JPH2: variants seen among roughly 807,000 people sequenced by gnomAD.
The protein encoded by JPH2 is junctophilin 2.
A neutral mutation model predicts 55.9 loss-of-function variants in JPH2; 38 were observed. The ratio of observed to expected loss-of-function variants is 0.68; its 90% confidence interval spans 0.52 to 0.89. The LOEUF is 0.89. Among genes scored for constraint, JPH2 ranks in the 40% least tolerant of loss-of-function variants. The pLI is 0.00. For synonymous variants in JPH2, 480 were observed against 472.4 expected (o/e 1.02, Z -0.21); for missense variants, 964 against 1,037.6 (o/e 0.93, Z 0.97).
At chr20:44,129,525 G>A (rs2015787) in intron 2 of JPH2, among the ~76,000 whole-genome samples, 84,332 of 146,790 alleles carry the variant, frequency 0.57, 24,576 homozygotes, top group South Asian at 0.69. Flanking sequence ...ACTGCACTCT[G>A]GCCTGGGCAA....
chr20:44,121,212 G>A (rs1386216415), intron 2 of JPH2, among the ~76,000 whole-genome samples: 1 of 152,124 alleles, frequency 6.6e-6, no homozygotes, highest in Non-Finnish European at 1.5e-5. Flanking sequence ...AGAGGTGGGC[G>A]GGTCAATGAG....
At position 44,186,946 on chromosome 20, in the gene JPH2, C is replaced by T. The variant is rs2072853006; in HGVS notation, c.-241G>A. On this transcript the variant is annotated 5_prime_UTR_variant, in exon 1 of 6. Transcript: ENST00000372980. Reference sequence around the variant, plus strand: ...ACTCCACCAGCCAGAGCAAGGCTGCCTGCTGGAAAGAAAGCAGGAAGGAAA... The same window carrying T: ...ACTCCACCAGCCAGAGCAAGGCTGCTTGCTGGAAAGAAAGCAGGAAGGAAA... 2 of 587,788 alleles carry T rather than the reference C, an allele frequency of 3.4e-6. No individual in the cohort carries two copies. The highest frequency in any genetic ancestry group is 3.0e-6 in the Non-Finnish European group (1 of 330,224). The allele number at this position is 587,788 out of a possible 1,614,324, so 36.4% of individuals were successfully genotyped here. A position where few individuals can be genotyped will look rare whatever the true frequency, so the allele number is the denominator to read the frequency against.
At chr20:44,118,762 T>C (rs898691666) in intron 2 of JPH2, 139 bp from the exon 3 acceptor site, 9 of 724,860 alleles carry the variant, frequency 1.2e-5, no homozygotes, top group African/African-American at 1.7e-5. Flanking sequence ...TTGAGCCTCA[T>C]GGCCCAGACT....
intron 2 of JPH2, among the ~76,000 whole-genome samples, chr20:44,124,225 T>G (rs1354003217): frequency 6.6e-6 from 1 of 151,978 alleles, no homozygotes; most frequent in East Asian, 1.9e-4. Context: ...CCATCTCTCC[T>G]CCCAGGCCCA....
chr20:44,116,579 G>A (rs1427946984), intron 3 of JPH2, among the ~76,000 whole-genome samples, 193 bp from the exon 4 acceptor site: 3 of 152,222 alleles, frequency 2.0e-5, no homozygotes, highest in Non-Finnish European at 4.4e-5. Context: ...TCCCTATGAA[G>A]TTGATGCTAC....
At chr20:44,162,330 C>T (rs546213662) in intron 1 of JPH2, among the ~76,000 whole-genome samples, 1 of 152,150 alleles carries the variant, frequency 6.6e-6, no homozygotes, top group Non-Finnish European at 1.5e-5. Flanking sequence ...TCCTTCAAGT[C>T]TTTGCTCAAT....
rs530612304 is a variant in JPH2, at chr20:44,110,820, C to T, written c.*2698G>A. Among the ~76,000 whole-genome samples the T allele has an allele frequency of 1.3e-5, 2 of 152,276 alleles. No individual in the cohort carries two copies. The highest frequency in any genetic ancestry group is 2.1e-4 in the South Asian group (1 of 4,816). ...AAGACCATGGGGCAGGGATTAGAGT[C>T]TCCTCAGCAGAAGAGGAAACTGAGG... is the stretch of plus-strand genomic sequence containing the variant. On this transcript the variant is annotated 3_prime_UTR_variant, in exon 6 of 6. Coordinates refer to ENST00000372980, the MANE Select transcript of JPH2 (RefSeq NM_020433.5).
chr20:44,183,432 C>T (rs971980872), intron 1 of JPH2, among the ~76,000 whole-genome samples: 17 of 152,234 alleles, frequency 1.1e-4, no homozygotes, highest in Admixed American at 6.5e-4. Context: ...CAAACTCCAG[C>T]GACCTCGTTA....
chr20:44,127,855 G>T (rs1207681555), intron 2 of JPH2, among the ~76,000 whole-genome samples: 9 of 152,102 alleles, frequency 5.9e-5, no homozygotes, highest in African/African-American at 2.2e-4. Context: ...GTTTTGATTT[G>T]CATTTCCCTG....
chr20:44,138,172 C>G (rs1470925655), intron 2 of JPH2, among the ~76,000 whole-genome samples: 1 of 151,530 alleles, frequency 6.6e-6, no homozygotes, highest in Non-Finnish European at 1.5e-5. Context: ...CACGCCCGGC[C>G]AATTTTTGTA....
At chr20:44,120,365 GTC>G (rs1248872911) in intron 2 of JPH2, among the ~76,000 whole-genome samples, 1 of 152,176 alleles carries the variant, frequency 6.6e-6, no homozygotes, top group Admixed American at 6.5e-5. Context: ...TTTGGGAGAT[GTC>G]TGTTTCAGCT....
At chr20:44,133,963 ATAT>A (rs1230755321) in intron 2 of JPH2, among the ~76,000 whole-genome samples, 1 of 44,522 alleles carries the variant, frequency 2.2e-5, no homozygotes, top group Non-Finnish European at 3.7e-5. Context: ...AAATAAATAT[ATAT>A]TATAATATAT....
chr20:44,175,592 C>T (rs1024108076), intron 1 of JPH2, among the ~76,000 whole-genome samples: 16 of 152,320 alleles, frequency 1.1e-4, no homozygotes, highest in Non-Finnish European at 1.9e-4. Flanking sequence ...CATTTGGGAC[C>T]AGCTCCCAGG....
intron 1 of JPH2, among the ~76,000 whole-genome samples, chr20:44,165,115 G>C (rs936920940): frequency 6.6e-6 from 1 of 152,162 alleles, no homozygotes; most frequent in Admixed American, 6.5e-5. Context: ...GGGATTGCAG[G>C]TGTGAGCTAC....
At chr20:44,169,008 C>T (rs1221226535) in intron 1 of JPH2, among the ~76,000 whole-genome samples, 22 of 152,148 alleles carry the variant, frequency 1.4e-4, no homozygotes, top group Admixed American at 1.4e-3. Flanking sequence ...TGCTTCCACT[C>T]TTGCCATGTG....
Position 44,115,654 on chromosome 20 carries a change from G to T in JPH2, c.2010+11C>A. 6.2e-7 allele frequency: 1 copy of T among 1,611,924 alleles called. No homozygotes were observed. The highest frequency in any genetic ancestry group is 1.1e-5 in the South Asian group (1 of 90,966). ...ACCCGACCTTAGGCACACCTTGCCC[G>T]ACAGCCTCACCTCTTCCACCTCCAC... is the stretch of plus-strand genomic sequence containing the variant. On this transcript the variant is annotated intron_variant, in intron 4 of 5. Coordinates refer to ENST00000372980, the MANE Select transcript of JPH2 (RefSeq NM_020433.5).
intron 2 of JPH2, among the ~76,000 whole-genome samples, chr20:44,146,038 T>TC (rs1033717486): frequency 1.3e-5 from 2 of 148,632 alleles, no homozygotes; most frequent in Non-Finnish European, 3.0e-5. Context: ...CATTGTTCTT[T>TC]TTTTTTTTTT....
chr20:44,150,562 A>C (rs1322580214), intron 2 of JPH2, among the ~76,000 whole-genome samples: 1 of 152,250 alleles, frequency 6.6e-6, no homozygotes, highest in East Asian at 1.9e-4. Context: ...AAGGAACTCA[A>C]AATATCCAAG....
At chr20:44,156,590 G>A (rs757154161) in intron 2 of JPH2, among the ~76,000 whole-genome samples, 5 of 152,096 alleles carry the variant, frequency 3.3e-5, no homozygotes, top group Non-Finnish European at 5.9e-5. Flanking sequence ...ATGGCACTTC[G>A]CACACTACAT....
Sources: gnomAD v4.1 joint callset for allele counts (sites outside exome capture counted in the v4.1 genomes callset) on GRCh38, gnomAD v4.1.1 for gene constraint, MANE v1.5 for transcripts, NCBI Gene and HGNC (gene_info 2026-07-23, HGNC 2026-07-21) for gene names.